The following OR51C1 variants were observed in gnomAD, a reference collection of about 807,000 sequenced individuals.
The protein encoded by OR51C1 is olfactory receptor OR51C1.
At chr11:4,693,662 AG>A in the OR51C1 span, among the ~76,000 whole-genome samples, 3 of 152,118 alleles carry the variant, frequency 2.0e-5, no homozygotes, top group Admixed American at 6.5e-5. Context: ...CGGAGCTTCC[AG>A]GTGAACCGAG....
At chr11:4,694,150 T>A in the OR51C1 span, among the ~76,000 whole-genome samples, 1 of 152,176 alleles carries the variant, frequency 6.6e-6, no homozygotes, top group African/African-American at 2.4e-5. Flanking sequence ...TCTTCATATC[T>A]CCCATTACCT....
At chr11:4,695,256 A>C in the OR51C1 span, among the ~76,000 whole-genome samples, 1 of 152,240 alleles carries the variant, frequency 6.6e-6, no homozygotes, top group South Asian at 2.1e-4. Flanking sequence ...ATCATTTTCC[A>C]TCTCTTCTCA....
At chr11:4,695,596 C>A in the OR51C1 span, among the ~76,000 whole-genome samples, 4 of 152,150 alleles carry the variant, frequency 2.6e-5, no homozygotes, top group East Asian at 1.9e-4. Context: ...AATCTGAATT[C>A]TTTCCCTAAT....
the OR51C1 span, among the ~76,000 whole-genome samples, chr11:4,696,982 T>C: frequency 2.0e-5 from 3 of 152,216 alleles, no homozygotes; most frequent in African/African-American, 7.2e-5. Flanking sequence ...ATAGCTACCA[T>C]TTACTGGACA....
At chr11:4,694,746 G>A in the OR51C1 span, among the ~76,000 whole-genome samples, 1 of 152,126 alleles carries the variant, frequency 6.6e-6, no homozygotes, top group Non-Finnish European at 1.5e-5. Flanking sequence ...TAGTTGTAGA[G>A]TGTATAAGGA....
chr11:4,694,531 C>CAT, the OR51C1 span, among the ~76,000 whole-genome samples: 24,888 of 147,028 alleles, frequency 0.17, 2,326 homozygotes, highest in Middle Eastern at 0.24. Flanking sequence ...TACACACACA[C>CAT]ATATATACGT....
chr11:4,696,098 G>A, the OR51C1 span, among the ~76,000 whole-genome samples: 1 of 152,100 alleles, frequency 6.6e-6, no homozygotes. Flanking sequence ...AATCAAACCT[G>A]TAATTTAGAA....
chr11:4,690,758 T>C, the OR51C1 span: 7 of 397,188 alleles, frequency 1.8e-5, no homozygotes, highest in Non-Finnish European at 3.5e-5. Context: ...TTCTACAATT[T>C]TATGTTTCTT....
the OR51C1 span, among the ~76,000 whole-genome samples, chr11:4,696,927 G>A: frequency 6.6e-6 from 1 of 151,798 alleles, no homozygotes. Context: ...ACACTAACTA[G>A]TTTTGAGACC....
the OR51C1 span, chr11:4,690,837 A>G: frequency 4.4e-6 from 2 of 454,848 alleles, no homozygotes; most frequent in Admixed American, 2.4e-5. Context: ...GACAGGGTTC[A>G]TCAAAGGGGA....
chr11:4,696,309 C>T, the OR51C1 span, among the ~76,000 whole-genome samples: 2 of 152,088 alleles, frequency 1.3e-5, no homozygotes, highest in African/African-American at 4.8e-5. Context: ...TATCAGCAAA[C>T]GACATCGAAC....
the OR51C1 span, among the ~76,000 whole-genome samples, chr11:4,696,403 C>T: frequency 6.6e-6 from 1 of 152,116 alleles, no homozygotes; most frequent in African/African-American, 2.4e-5. Flanking sequence ...TTCTCTCTCT[C>T]ATCCCTTACA....
chr11:4,690,971 GAC>G, the OR51C1 span: 1 of 454,188 alleles, frequency 2.2e-6, no homozygotes, highest in Non-Finnish European at 4.4e-6. Context: ...CAATGTGGGA[GAC>G]ACATGTACTG....
the OR51C1 span, chr11:4,690,943 A>G: frequency 8.8e-6 from 4 of 454,592 alleles, no homozygotes; most frequent in African/African-American, 4.0e-5. Context: ...AATGGAATGT[A>G]ATATATAGCA....
At chr11:4,691,595 G>C in the OR51C1 span, 5 of 456,234 alleles carry the variant, frequency 1.1e-5, no homozygotes, top group Non-Finnish European at 2.2e-5. Flanking sequence ...CAGTTACAGA[G>C]AGGAAGCAGA....
chr11:4,694,601 T>C, the OR51C1 span, among the ~76,000 whole-genome samples: 1 of 142,572 alleles, frequency 7.0e-6, no homozygotes, highest in Non-Finnish European at 1.5e-5. Context: ...CACACACACA[T>C]ATGCAGGGAG....
chr11:4,692,567 T>A, the OR51C1 span, among the ~76,000 whole-genome samples: 1 of 152,224 alleles, frequency 6.6e-6, no homozygotes, highest in Non-Finnish European at 1.5e-5. Context: ...ATCACATTTC[T>A]TTTTTCATAG....
At chr11:4,695,740 C>A in the OR51C1 span, among the ~76,000 whole-genome samples, 1 of 151,690 alleles carries the variant, frequency 6.6e-6, no homozygotes, top group Non-Finnish European at 1.5e-5. Flanking sequence ...TTGAAACTTT[C>A]TCCTTCATTA....
chr11:4,695,587 A>G, the OR51C1 span, among the ~76,000 whole-genome samples: 1 of 152,182 alleles, frequency 6.6e-6, no homozygotes, highest in African/African-American at 2.4e-5. Flanking sequence ...TTCAGTAACA[A>G]TCTGAATTCT....
Sources: allele counts gnomAD v4.1 joint callset (sites outside exome capture counted in the v4.1 genomes callset), GRCh38; gene constraint gnomAD v4.1.1; transcripts MANE v1.5; gene names NCBI Gene and HGNC (gene_info 2026-07-23, HGNC 2026-07-21).